Variants in NEIL3 observed in about 807,000 individuals in gnomAD.
NEIL3 encodes the protein endonuclease 8-like 3.
Under a neutral mutation model 57.5 loss-of-function variants are expected in NEIL3, and 48 were observed. That is an observed-to-expected ratio of 0.83 (90% confidence interval 0.66 to 1.06). The LOEUF (loss-of-function observed/expected upper bound fraction) is 1.06. Among genes scored for constraint, NEIL3 ranks in the 50% least tolerant of loss-of-function variants. The pLI is 0.00. For missense variants in NEIL3, 717 were observed against 739.1 expected (o/e 0.97, Z 0.35); for synonymous variants, 261 against 253.2 (o/e 1.03, Z -0.29).
chr4:177,327,545 G>A (rs989270921), intron 2 of NEIL3, among the ~76,000 whole-genome samples: 9 of 151,994 alleles, frequency 5.9e-5, no homozygotes, highest in Non-Finnish European at 1.2e-4. Flanking sequence ...TTTAAGCCTC[G>A]CATGCATTAA....
intron 1 of NEIL3, among the ~76,000 whole-genome samples, chr4:177,314,906 T>C (rs1157863963): frequency 6.8e-6 from 1 of 146,108 alleles, no homozygotes; most frequent in Non-Finnish European, 1.5e-5. Flanking sequence ...TGAAACCCCG[T>C]ATCTACTAAA....
chr4:177,364,578 A>G (rs1735667769), downstream of NEIL3, among the ~76,000 whole-genome samples: 1 of 152,196 alleles, frequency 6.6e-6, no homozygotes, highest in South Asian at 2.1e-4. Context: ...TGCTGATGTC[A>G]TTGACCACTG....
chr4:177,368,213 C>A, the NEIL3 span, among the ~76,000 whole-genome samples: 5 of 152,074 alleles, frequency 3.3e-5, no homozygotes, highest in African/African-American at 1.2e-4. Context: ...GGTCATTTTT[C>A]TTTTCTAACA....
chr4:177,312,304 C>A (rs533023552), intron 1 of NEIL3, among the ~76,000 whole-genome samples: 1 of 152,180 alleles, frequency 6.6e-6, no homozygotes, highest in South Asian at 2.1e-4. Flanking sequence ...AAAGCCTACC[C>A]TCTTAACCAT....
intron 6 of NEIL3, 122 bp downstream of exon 6, chr4:177,341,764 T>G: frequency 1.2e-6 from 1 of 844,234 alleles, no homozygotes; most frequent in Non-Finnish European, 1.7e-6. Flanking sequence ...TCAAAAGTAT[T>G]TTAGTCCTTG....
chr4:177,341,556 A>G lies in NEIL3; in HGVS notation c.783A>G (p.Ile261Met). Residue 261 changes from isoleucine (I) to methionine (M), a missense_variant, in exon 6 of 10, where the codon ATA (isoleucine) becomes ATG (methionine). Physicochemically the swap from Ile to Met is conservative, Grantham distance 10. Transcript: ENST00000264596. ...RPNCGQCHCR[I>M]TVCRFGDNNR... is the part of the protein sequence containing the mutation. The stretch of plus-strand genomic sequence containing the variant: ...ATTGTGGTCAGTGCCACTGCAGAAT[A>G]ACTGTGTGCCGCTTTGGGGACAATA... 6.2e-7 allele frequency: 1 copy of G among 1,613,842 alleles called. No homozygotes were observed. The highest frequency in any genetic ancestry group is 8.5e-7 in the Non-Finnish European group (1 of 1,179,886).
At chr4:177,317,958 A>G (rs937855611) in intron 1 of NEIL3, among the ~76,000 whole-genome samples, 11 of 152,176 alleles carry the variant, frequency 7.2e-5, no homozygotes, top group African/African-American at 2.7e-4. Context: ...TGTCTGCTCC[A>G]GGATAACCTT....
intron 1 of NEIL3, among the ~76,000 whole-genome samples, chr4:177,312,002 CT>C (rs1248402650): frequency 1.3e-5 from 2 of 152,170 alleles, no homozygotes; most frequent in Non-Finnish European, 2.9e-5. Context: ...GTAGGATATG[CT>C]TTCTGCTGTG....
intron 7 of NEIL3, among the ~76,000 whole-genome samples, chr4:177,352,511 T>C (rs1016786905): frequency 1.3e-5 from 2 of 152,184 alleles, no homozygotes; most frequent in Non-Finnish European, 2.9e-5. Context: ...CCTAGGATAC[T>C]CTGTTGTGAA....
chr4:177,345,772 T>G (rs979072599), intron 6 of NEIL3, among the ~76,000 whole-genome samples: 1 of 144,236 alleles, frequency 6.9e-6, no homozygotes, highest in Non-Finnish European at 1.5e-5. Context: ...TCACTACAAC[T>G]TCCACTTCCT....
chr4:177,336,011 T>A, intron 3 of NEIL3, 97 bp from the exon 4 acceptor site: 1 of 1,103,546 alleles, frequency 9.1e-7, no homozygotes, highest in Non-Finnish European at 1.3e-6. Context: ...TATACCCTGA[T>A]TAACATAAAG....
intron 1 of NEIL3, among the ~76,000 whole-genome samples, chr4:177,317,294 G>GT (rs1734592868): frequency 6.6e-6 from 1 of 152,168 alleles, no homozygotes; most frequent in Admixed American, 6.5e-5. Flanking sequence ...AATAAGACGT[G>GT]TATTACACCT....
intron 2 of NEIL3, among the ~76,000 whole-genome samples, chr4:177,327,813 TCTTA>T (rs1181684504): frequency 6.6e-6 from 1 of 152,230 alleles, no homozygotes; most frequent in African/African-American, 2.4e-5. Flanking sequence ...ATATTGCCTT[TCTTA>T]CTTCATTTGT....
intron 1 of NEIL3, among the ~76,000 whole-genome samples, chr4:177,317,235 T>C (rs1006032242): frequency 6.6e-6 from 1 of 152,242 alleles, no homozygotes; most frequent in Non-Finnish European, 1.5e-5. Context: ...AAGATCATAT[T>C]GTATGTTGTT....
chr4:177,318,495 G>A (rs1734615254), intron 1 of NEIL3, among the ~76,000 whole-genome samples: 1 of 152,206 alleles, frequency 6.6e-6, no homozygotes, highest in Non-Finnish European at 1.5e-5. Context: ...TCTTCATGGA[G>A]TAGAAAACTT....
intron 1 of NEIL3, among the ~76,000 whole-genome samples, chr4:177,321,931 A>G (rs1198019883): frequency 4.6e-5 from 7 of 152,142 alleles, no homozygotes; most frequent in African/African-American, 7.2e-5. Flanking sequence ...AGCTCTCCCT[A>G]CTACCTCTCA....
At chr4:177,369,564 T>C in the NEIL3 span, among the ~76,000 whole-genome samples, 1 of 152,108 alleles carries the variant, frequency 6.6e-6, no homozygotes, top group Non-Finnish European at 1.5e-5. Context: ...GCTAAACTGA[T>C]GACGCAGAGG....
intron 2 of NEIL3, among the ~76,000 whole-genome samples, chr4:177,328,400 G>A (rs979621279): frequency 1.3e-5 from 2 of 152,132 alleles, no homozygotes; most frequent in Non-Finnish European, 2.9e-5. Context: ...CACGTACCTA[G>A]CCAATGTGCT....
At chr4:177,324,950 C>CAGATAGAT (rs56773423) in intron 2 of NEIL3, among the ~76,000 whole-genome samples, 31,054 of 149,286 alleles carry the variant, frequency 0.21, 3,301 homozygotes, top group African/African-American at 0.24. Context: ...ATTTAAAAAA[C>CAGATAGAT]AGATAGATAG....
Sources: allele counts gnomAD v4.1 joint callset (sites outside exome capture counted in the v4.1 genomes callset), GRCh38; gene constraint gnomAD v4.1.1; transcripts MANE v1.5; gene names NCBI Gene and HGNC (gene_info 2026-07-23, HGNC 2026-07-21).